KCNMA1: variants seen among roughly 807,000 people sequenced by gnomAD.
KCNMA1 encodes the protein Calcium-activated potassium channel subunit alpha-1.
Under a neutral mutation model 140.0 loss-of-function variants are expected in KCNMA1, and 29 were observed. That is an observed-to-expected ratio of 0.21 (90% CI 0.15 to 0.28). The LOEUF is 0.28. KCNMA1 is among the 10% of genes least tolerant of loss of function. The pLI is 1.00. For synonymous variants in KCNMA1, 612 were observed against 611.9 expected, an observed-to-expected ratio of 1.00 and a Z score of 0.00; for missense variants, 880 against 1,602.2, an observed-to-expected ratio of 0.55 and a Z score of 7.70.
chr10:77,188,434 A>G (rs2098900974), intron 3 of KCNMA1, among the ~76,000 whole-genome samples: 1 of 152,230 alleles, frequency 6.6e-6, no homozygotes, highest in Non-Finnish European at 1.5e-5. Flanking sequence ...TAAGTGGCAG[A>G]CTATTCATTT....
At chr10:77,238,190 A>T in intron 3 of KCNMA1, among the ~76,000 whole-genome samples, 1 of 152,066 alleles carries the variant, frequency 6.6e-6, no homozygotes, top group Admixed American at 6.5e-5. Context: ...GCCCATAGAG[A>T]TCCCTGGCGA....
At chr10:77,440,675 A>G (rs1335271564) in intron 1 of KCNMA1, among the ~76,000 whole-genome samples, 1 of 152,088 alleles carries the variant, frequency 6.6e-6, no homozygotes, top group Admixed American at 6.5e-5. Flanking sequence ...AAAGGGGAGG[A>G]AAAAAACCCC....
intron 25 of KCNMA1, chr10:76,904,121 C>G (rs565739738): frequency 2.0e-5 from 3 of 152,182 alleles, no homozygotes; most frequent in Non-Finnish European, 4.4e-5. Context: ...TTTTTATATG[C>G]CTTTGCCATT....
chr10:77,051,418 T>C (rs769022320), intron 14 of KCNMA1, among the ~76,000 whole-genome samples: 15 of 152,202 alleles, frequency 9.9e-5, no homozygotes, highest in Non-Finnish European at 1.5e-4. Context: ...GTGAGCCTGG[T>C]AGCAAAGGCA....
intron 2 of KCNMA1, among the ~76,000 whole-genome samples, chr10:77,378,484 A>G (rs894874082): frequency 1.3e-5 from 2 of 152,166 alleles, no homozygotes; most frequent in Non-Finnish European, 2.9e-5. Flanking sequence ...CTTCAACACA[A>G]TGGACAGTGG....
intron 23 of KCNMA1, among the ~76,000 whole-genome samples, chr10:76,936,787 T>C (rs547766387): frequency 1.2e-4 from 18 of 152,228 alleles, no homozygotes; most frequent in Admixed American, 3.9e-4. Flanking sequence ...AAGTTGAAGA[T>C]GGGGTGGTCT....
intron 1 of KCNMA1, among the ~76,000 whole-genome samples, chr10:77,540,288 C>T (rs901876402): frequency 6.6e-6 from 1 of 152,184 alleles, no homozygotes; most frequent in Non-Finnish European, 1.5e-5. Context: ...AAAGGGAAGT[C>T]CAGGTTGGTA....
At chr10:77,263,434 C>T (rs2062559992) in intron 2 of KCNMA1, among the ~76,000 whole-genome samples, 1 of 152,170 alleles carries the variant, frequency 6.6e-6, no homozygotes, top group African/African-American at 2.4e-5. Flanking sequence ...ACTTTACAAA[C>T]ACTCAACAAT....
At chr10:77,039,287 A>G (rs56086817) in intron 15 of KCNMA1, 7 of 587,378 alleles carry the variant, frequency 1.2e-5, no homozygotes, top group Non-Finnish European at 2.1e-5. Flanking sequence ...GTTAGCATAA[A>G]TGATGAATTC....
chr10:77,215,871 C>G (rs866076115), intron 3 of KCNMA1, among the ~76,000 whole-genome samples: 6 of 151,444 alleles, frequency 4.0e-5, no homozygotes, highest in Admixed American at 2.0e-4. Flanking sequence ...GCCCCTCCCC[C>G]CCACCTGTCT....
intron 2 of KCNMA1, among the ~76,000 whole-genome samples, chr10:77,253,519 G>A (rs1196954568): frequency 6.6e-6 from 1 of 152,182 alleles, no homozygotes; most frequent in East Asian, 1.9e-4. Flanking sequence ...AGTCAGTGAT[G>A]GGGACTAATG....
chr10:77,109,229 T>A lies in KCNMA1; in HGVS notation c.1132-657A>T, dbSNP rs567929931. ...AGGCACCTCACGGATGCTGTAGAAA[T>A]GCTTGCGTGAATGTACACATGCATG... On this transcript the variant is annotated intron_variant, in intron 8 of 27. Coordinates refer to ENST00000286628, the MANE Select transcript of KCNMA1 (RefSeq NM_001161352.2). 1.1e-3 allele frequency among the ~76,000 whole-genome samples: 166 copies of A among 152,258 alleles called. 2 individuals are homozygous for A. Among genetic ancestry groups the A allele is most frequent in the Middle Eastern group, 6.8e-3 (2 of 294 alleles).
intron 1 of KCNMA1, among the ~76,000 whole-genome samples, chr10:77,632,284 A>G (rs533951057): frequency 6.6e-6 from 1 of 152,254 alleles, no homozygotes; most frequent in South Asian, 2.1e-4. Flanking sequence ...GTCTTGGAAA[A>G]GCTGGTCTGG....
chr10:77,542,801 C>A (rs2060484297), intron 1 of KCNMA1, among the ~76,000 whole-genome samples: 1 of 152,142 alleles, frequency 6.6e-6, no homozygotes, highest in South Asian at 2.1e-4. Context: ...TTGTCAGGTT[C>A]CTAACCCCAC....
At chr10:77,495,556 C>T (rs142573302) in intron 1 of KCNMA1, among the ~76,000 whole-genome samples, 5 of 152,314 alleles carry the variant, frequency 3.3e-5, no homozygotes, top group South Asian at 2.1e-4. Context: ...TTTCTCTGCC[C>T]GTTTTCTCAT....
At chr10:77,323,890 C>T (rs138941449) in intron 2 of KCNMA1, among the ~76,000 whole-genome samples, 251 of 152,278 alleles carry the variant, frequency 1.6e-3, no homozygotes, top group Non-Finnish European at 2.8e-3. Context: ...TAGAACCATC[C>T]ACTGGCCAAG....
intron 19 of KCNMA1, among the ~76,000 whole-genome samples, chr10:76,972,073 T>A (rs946231564): frequency 2.0e-5 from 3 of 152,040 alleles, no homozygotes; most frequent in African/African-American, 7.3e-5. Flanking sequence ...TAAGACAAGG[T>A]CATCTTTTAA....
intron 1 of KCNMA1, among the ~76,000 whole-genome samples, chr10:77,523,797 G>A (rs72809507): frequency 0.015 from 2,235 of 152,318 alleles, 33 homozygotes; most frequent in Non-Finnish European, 0.025. Context: ...CAGAGGCTGG[G>A]AAGGGGAGTG....
At chr10:77,430,345 G>A (rs950367570) in intron 1 of KCNMA1, among the ~76,000 whole-genome samples, 4 of 152,162 alleles carry the variant, frequency 2.6e-5, no homozygotes, top group South Asian at 2.1e-4. Context: ...AGCAGGAGCC[G>A]AATGCACTAT....
Sources: allele counts gnomAD v4.1 joint callset (sites outside exome capture counted in the v4.1 genomes callset), GRCh38; gene constraint gnomAD v4.1.1; transcripts MANE v1.5; gene names NCBI Gene and HGNC (gene_info 2026-07-23, HGNC 2026-07-21).